Variants in B4GALNT3 observed in about 807,000 individuals in gnomAD.
B4GALNT3 encodes the protein beta-1,4-N-acetylgalactosaminyltransferase 3.
In B4GALNT3, 86 loss-of-function variants were observed where a neutral mutation model predicts 120.2. That is an observed-to-expected ratio of 0.72 (90% CI 0.60 to 0.86). B4GALNT3 has a LOEUF of 0.86. Among genes scored for constraint, B4GALNT3 ranks in the 40% least tolerant of loss-of-function variants. The pLI is 0.00. For synonymous variants in B4GALNT3, 518 were observed against 510.4 expected, an observed-to-expected ratio of 1.01 and a Z score of -0.20; for missense variants, 1,167 against 1,298.9, an observed-to-expected ratio of 0.90 and a Z score of 1.56.
rs758997412 is a variant in B4GALNT3 at position 558,669 on chromosome 12, C to T, written c.2761+8C>T. The stretch of plus-strand genomic sequence containing the variant: ...CCCCCCAGTGGCCTGAGGGTGAGCC[C>T]TGCTCAGACTGGGGAGGGAGGAAAG... On this transcript the variant is annotated splice_region_variant and intron_variant, in intron 18 of 19. Coordinates refer to ENST00000266383, the MANE Select transcript of B4GALNT3 (RefSeq NM_173593.4). The T allele has an allele frequency of 2.2e-5, 35 of 1,613,264 alleles. No homozygotes were observed. Among genetic ancestry groups the T allele is most frequent in the South Asian group, 1.9e-4 (17 of 91,070 alleles).
intron 1 of B4GALNT3, among the ~76,000 whole-genome samples, chr12:471,962 T>C (rs1266625900): frequency 6.6e-6 from 1 of 152,210 alleles, no homozygotes; most frequent in African/African-American, 2.4e-5. Context: ...GCATTTTTAA[T>C]ATTTTGCTGT....
rs560971912 is a variant in B4GALNT3, at chr12:486,723, T to G, written c.169+26178T>G. Among the ~76,000 whole-genome samples, 151 of 152,312 alleles carry G rather than the reference T, an allele frequency of 9.9e-4. 1 individual carries two copies. The highest frequency in any genetic ancestry group is 3.5e-3 in the African/African-American group (144 of 41,572). On this transcript the variant is annotated intron_variant, in intron 1 of 19. Coordinates refer to ENST00000266383, the MANE Select transcript of B4GALNT3 (RefSeq NM_173593.4). ...TAAAACTATAGAATGCATCTGCTCC[T>G]GGACACCTAACCACGATATCACTAA...
chr12:480,284 A>G (rs1018755339), intron 1 of B4GALNT3, among the ~76,000 whole-genome samples: 10 of 152,172 alleles, frequency 6.6e-5, no homozygotes, highest in African/African-American at 2.2e-4. Flanking sequence ...TCTCTTAAGC[A>G]TATGGTTAGG....
chr12:488,865 G>A (rs577381803), intron 1 of B4GALNT3, among the ~76,000 whole-genome samples: 88 of 150,608 alleles, frequency 5.8e-4, no homozygotes, highest in African/African-American at 1.9e-3. Flanking sequence ...TGGTTTACTT[G>A]TATGTTGTAA....
chr12:505,040 A>G (rs76372681), intron 1 of B4GALNT3, among the ~76,000 whole-genome samples: 18,570 of 151,828 alleles, frequency 0.12, 1,732 homozygotes, highest in South Asian at 0.3. Context: ...ACAGGTGCAC[A>G]CCACCACGCC....
In B4GALNT3 at chr12:559,299, C is replaced by T. The variant is rs1490799683; in HGVS notation, c.2766C>T (p.Tyr922=). Residue 922 remains tyrosine, a synonymous_variant, in exon 19 of 20, where the codon TAC becomes TAT. Transcript: ENST00000266383. The part of the protein sequence containing the change: ...CGATPQWPEG[Y]WEVNGFGLLG... ...GAAGCTCCTGTCTGTCCACAGGCTACTGGGAGGTGAATGGGTTCGGGCTGC... is the reference window on the plus strand; with the variant it reads ...GAAGCTCCTGTCTGTCCACAGGCTATTGGGAGGTGAATGGGTTCGGGCTGC... 1 of 1,613,896 alleles carries T rather than the reference C, an allele frequency of 6.2e-7. No homozygotes were observed. The highest frequency in any genetic ancestry group is 8.5e-7 in the Non-Finnish European group (1 of 1,179,916).
intron 2 of B4GALNT3, 139 bp from the exon 3 acceptor site, chr12:536,079 T>G: frequency 1.5e-6 from 1 of 666,580 alleles, no homozygotes; most frequent in East Asian, 2.6e-5. Context: ...GGAGATGTAT[T>G]CCCAGGACAT....
intron 1 of B4GALNT3, among the ~76,000 whole-genome samples, chr12:511,765 C>T (rs1946569140): frequency 8.2e-6 from 1 of 122,082 alleles, no homozygotes; most frequent in Non-Finnish European, 1.7e-5. Flanking sequence ...CTTCCACCTT[C>T]CACCTTCCAC....
intron 1 of B4GALNT3, among the ~76,000 whole-genome samples, chr12:487,966 A>G (rs1339147397): frequency 2.0e-5 from 3 of 152,038 alleles, no homozygotes; most frequent in South Asian, 2.1e-4. Flanking sequence ...CAAACAAAAA[A>G]CCCAAAACTT....
intron 1 of B4GALNT3, among the ~76,000 whole-genome samples, chr12:486,150 C>A (rs1236697605): frequency 6.6e-6 from 1 of 151,476 alleles, no homozygotes; most frequent in Non-Finnish European, 1.5e-5. Flanking sequence ...AAATCCCCTT[C>A]TACTTCCAGC....
At chr12:511,340 C>CGAG (rs59229580) in intron 1 of B4GALNT3, among the ~76,000 whole-genome samples, 22 of 80,402 alleles carry the variant, frequency 2.7e-4, no homozygotes, top group South Asian at 4.3e-4. Flanking sequence ...CTTCCACCTT[C>CGAG]CTTCCACCTT....
At chr12:534,073 G>A (rs1047597915) in intron 1 of B4GALNT3, among the ~76,000 whole-genome samples, 1 of 152,202 alleles carries the variant, frequency 6.6e-6, no homozygotes, top group African/African-American at 2.4e-5. Flanking sequence ...GCAGTGCCCA[G>A]CGCAGCATCC....
chr12:474,946 T>TAAAAAAA (rs1592011790), intron 1 of B4GALNT3, among the ~76,000 whole-genome samples: 1 of 33,024 alleles, frequency 3.0e-5, no homozygotes, highest in Non-Finnish European at 6.3e-5. Flanking sequence ...AGACCTTGTC[T>TAAAAAAA]CAAAAAAAAA....
At chr12:511,787 TTCCACCTTCC>T (rs1565598237) in intron 1 of B4GALNT3, among the ~76,000 whole-genome samples, 2 of 93,990 alleles carry the variant, frequency 2.1e-5, no homozygotes, top group South Asian at 5.4e-4. Context: ...TTCTTCCACC[TTCCACCTTCC>T]ACCTTCTTCC....
At chr12:545,289 G>C (rs1342550853) in intron 5 of B4GALNT3, 80 bp from the exon 6 acceptor site, 1 of 1,526,356 alleles carries the variant, frequency 6.6e-7, no homozygotes, top group Admixed American at 2.0e-5. Flanking sequence ...GAATTTAATC[G>C]CTAAGACACT....
At chr12:513,026 A>C (rs1430030260) in intron 1 of B4GALNT3, among the ~76,000 whole-genome samples, 1 of 106,332 alleles carries the variant, frequency 9.4e-6, no homozygotes, top group African/African-American at 3.7e-5. Context: ...TCCACCTTCC[A>C]CCTTCCACCT....
intron 1 of B4GALNT3, among the ~76,000 whole-genome samples, chr12:528,686 G>A (rs1946779643): frequency 6.6e-6 from 1 of 152,096 alleles, no homozygotes; most frequent in Admixed American, 6.5e-5. Flanking sequence ...CGGGGTTCAG[G>A]CCCTGCTGGC....
intron 1 of B4GALNT3, among the ~76,000 whole-genome samples, chr12:471,773 A>G (rs1946139641): frequency 6.6e-6 from 1 of 150,784 alleles, no homozygotes; most frequent in Non-Finnish European, 1.5e-5. Context: ...CTGCATTTAA[A>G]AAATTTAAAA....
intron 1 of B4GALNT3, among the ~76,000 whole-genome samples, chr12:480,014 C>T (rs528520105): frequency 7.2e-4 from 108 of 149,256 alleles, no homozygotes; most frequent in African/African-American, 2.5e-3. Flanking sequence ...CCCGGGTTCA[C>T]GCCATTCTCC....
Sources: allele counts gnomAD v4.1 joint callset (sites outside exome capture counted in the v4.1 genomes callset), GRCh38; gene constraint gnomAD v4.1.1; transcripts MANE v1.5; gene names NCBI Gene and HGNC (gene_info 2026-07-23, HGNC 2026-07-21).